C20orf203: variants seen among roughly 807,000 people sequenced by gnomAD.
C20orf203 encodes the protein uncharacterized protein C20orf203.
C20orf203 carries 16 observed loss-of-function variants against 15.9 expected under a neutral mutation model. That is an observed-to-expected ratio of 1.01 (90% confidence interval 0.68 to 1.53). C20orf203 has a LOEUF of 1.53. Among genes scored for constraint, C20orf203 ranks in the 40% most tolerant of loss-of-function variants. C20orf203 has a pLI of 0.00. For missense variants in C20orf203, 263 were observed against 247.5 expected (o/e 1.06, Z -0.42); for synonymous variants, 98 against 97.2 (o/e 1.01, Z -0.05).
chr20:32,654,036 T>C (rs1982699820), intron 1 of C20orf203, among the ~76,000 whole-genome samples: 1 of 148,458 alleles, frequency 6.7e-6, no homozygotes, highest in Non-Finnish European at 1.5e-5. Context: ...GAGTTTGCAG[T>C]GAGCCAAGAT....
intron 5 of C20orf203, among the ~76,000 whole-genome samples, chr20:32,639,538 G>A (rs1001500853): frequency 1.4e-4 from 21 of 151,948 alleles, no homozygotes; most frequent in African/African-American, 5.1e-4. Context: ...CTACTCAAGA[G>A]GTGAGGGCTG....
intron 1 of C20orf203, among the ~76,000 whole-genome samples, chr20:32,671,057 G>A (rs1983155207): frequency 6.6e-6 from 1 of 151,168 alleles, no homozygotes; most frequent in Non-Finnish European, 1.5e-5. Flanking sequence ...ATGTGGAGAA[G>A]TTGAACCCTT....
Position 32,632,589 on chromosome 20 carries a change from A to C in C20orf203, c.*2981T>G, listed in dbSNP as rs1372100062. The C allele has an allele frequency of 6.6e-6, 1 of 152,166 alleles. No individual in the cohort carries two copies. Among genetic ancestry groups the C allele is most frequent in the Non-Finnish European group, 1.5e-5 (1 of 68,054 alleles). The allele number at this position is 152,166 out of a possible 1,614,324, so 9.4% of individuals were successfully genotyped here. A position where few individuals can be genotyped will look rare whatever the true frequency, so the allele number is the denominator to read the frequency against. ...GTATCTGGCCTTTTTCACAAAAAAAACATGTATCTCAGAGCTTCTTCCACA... is the reference window on the plus strand; with the variant it reads ...GTATCTGGCCTTTTTCACAAAAAAACCATGTATCTCAGAGCTTCTTCCACA... On this transcript the variant is annotated 3_prime_UTR_variant, in exon 6 of 6. Coordinates refer to ENST00000608990, the MANE Select transcript of C20orf203 (RefSeq NM_182584.4).
At chr20:32,654,581 G>A (rs2145674665) in intron 1 of C20orf203, among the ~76,000 whole-genome samples, 1 of 152,328 alleles carries the variant, frequency 6.6e-6, no homozygotes, top group East Asian at 1.9e-4. Flanking sequence ...GGTAGCTTAT[G>A]TCCGTAATCC....
intron 5 of C20orf203, among the ~76,000 whole-genome samples, chr20:32,638,082 G>A (rs1391577492): frequency 1.3e-5 from 2 of 152,128 alleles, no homozygotes; most frequent in African/African-American, 2.4e-5. Flanking sequence ...AGAGGCCAGG[G>A]TGAGGACTCA....
chr20:32,650,698 CT>C lies in C20orf203; in HGVS notation c.318del (p.Val107LeufsTer72). On this transcript the variant is annotated frameshift_variant, in exon 4 of 6. Transcript: ENST00000608990. LOFTEE classifies it high-confidence loss of function. ...RIWVGGEGWG[E>X]VGGLRLSKVG... ...ACCTTGCTGAGCCTGAGGCCTCCAA[CT>C]TCCCCCCACCCCTCCCCACCAACCC... The C allele has an allele frequency of 6.5e-7, 1 of 1,548,482 alleles. No homozygotes were observed.
intron 4 of C20orf203, among the ~76,000 whole-genome samples, chr20:32,646,175 A>AT (rs555458436): frequency 0.013 from 1,412 of 105,832 alleles, 18 homozygotes; most frequent in East Asian, 0.076. Context: ...CTTGATCCCA[A>AT]TTTTTTTTTT....
At chr20:32,650,910 C>T in intron 3 of C20orf203, 29 bp from the exon 4 acceptor site, 1 of 1,445,376 alleles carries the variant, frequency 6.9e-7, no homozygotes, top group Non-Finnish European at 9.1e-7. Context: ...CCAAGAAGAT[C>T]ATAGAATCTT....
chr20:32,667,870 C>A (rs1160895828), intron 1 of C20orf203, among the ~76,000 whole-genome samples: 1 of 152,092 alleles, frequency 6.6e-6, no homozygotes, highest in Non-Finnish European at 1.5e-5. Flanking sequence ...CAGGTTTCAC[C>A]ATGTTAGCCA....
At chr20:32,651,223 G>T (rs6579027) in intron 2 of C20orf203, 57 bp from the exon 3 acceptor site, 138,905 of 466,590 alleles carry the variant, frequency 0.3, 22,826 homozygotes, top group Middle Eastern at 0.37. Flanking sequence ...TGCGCCTGAG[G>T]GTTCAGCTAC....
chr20:32,661,941 C>T (rs910350303), intron 1 of C20orf203, among the ~76,000 whole-genome samples: 5 of 152,160 alleles, frequency 3.3e-5, no homozygotes, highest in Admixed American at 1.3e-4. Context: ...CCCATGTCAG[C>T]GTAAGGCCCA....
At chr20:32,654,379 GAT>G (rs770661063) in intron 1 of C20orf203, among the ~76,000 whole-genome samples, 7 of 152,172 alleles carry the variant, frequency 4.6e-5, no homozygotes, top group Middle Eastern at 3.2e-3. Context: ...AATGTTCATA[GAT>G]CTAAAGACCC....
chr20:32,650,991 G>T, intron 3 of C20orf203, 27 bp downstream of exon 3: 1 of 1,458,730 alleles, frequency 6.9e-7, no homozygotes, highest in Non-Finnish European at 9.1e-7. Context: ...CAGCCCAGGT[G>T]TGGGAGACAG....
At position 32,632,752 on chromosome 20, in the gene C20orf203, C is replaced by T. The variant is rs138702863; in HGVS notation, c.*2818G>A. The T allele has an allele frequency of 7.9e-5, 12 of 152,290 alleles. No homozygotes were observed. Among genetic ancestry groups the T allele is most frequent in the African/African-American group, 2.9e-4 (12 of 41,552 alleles). 9.4% of individuals were successfully genotyped at this position (152,290 alleles called of 1,614,324 possible). A position where few individuals can be genotyped will look rare whatever the true frequency, so the allele number is the denominator to read the frequency against. On this transcript the variant is annotated 3_prime_UTR_variant, in exon 6 of 6. Transcript: ENST00000608990. ...TTTCCATAGGCTTATTTCTGTTCTG[C>T]ACAACAGCCCTGGGAGGCAGGTGGT...
intron 1 of C20orf203, among the ~76,000 whole-genome samples, chr20:32,655,443 A>G (rs1193846431): frequency 6.6e-6 from 1 of 152,122 alleles, no homozygotes; most frequent in African/African-American, 2.4e-5. Flanking sequence ...ACAGATTCTA[A>G]CCAGCATATA....
chr20:32,670,539 A>G (rs1983140258), intron 1 of C20orf203, among the ~76,000 whole-genome samples: 1 of 151,524 alleles, frequency 6.6e-6, no homozygotes, highest in African/African-American at 2.4e-5. Context: ...AAATAAACAA[A>G]TAAATAAAAA....
At chr20:32,660,004 C>T (rs1042574964) in intron 1 of C20orf203, among the ~76,000 whole-genome samples, 1 of 152,068 alleles carries the variant, frequency 6.6e-6, no homozygotes, top group Non-Finnish European at 1.5e-5. Flanking sequence ...AGTGTGCTGT[C>T]CTGTATGCCA....
At chr20:32,651,536 A>G (rs1350706691) in intron 2 of C20orf203, among the ~76,000 whole-genome samples, 197 bp downstream of exon 2, 1 of 152,194 alleles carries the variant, frequency 6.6e-6, no homozygotes, top group East Asian at 1.9e-4. Flanking sequence ...TCATTGTCAC[A>G]TGCCTGGGTT....
At chr20:32,637,286 G>A (rs565508041) in intron 5 of C20orf203, among the ~76,000 whole-genome samples, 3 of 152,104 alleles carry the variant, frequency 2.0e-5, no homozygotes, top group African/African-American at 4.8e-5. Context: ...GGTGGCAGGC[G>A]CCTATAGTCT....
Sources: gnomAD v4.1 joint callset for allele counts (sites outside exome capture counted in the v4.1 genomes callset) on GRCh38, gnomAD v4.1.1 for gene constraint, MANE v1.5 for transcripts, NCBI Gene and HGNC (gene_info 2026-07-23, HGNC 2026-07-21) for gene names.